Variants in ARHGAP40 observed in about 807,000 individuals in gnomAD.
ARHGAP40 encodes the protein Rho GTPase activating protein 40, also known as rho GTPase-activating protein 40.
In ARHGAP40, 43 loss-of-function variants were observed where a neutral mutation model predicts 73.5. The ratio of observed to expected loss-of-function variants is 0.58; its 90% CI spans 0.46 to 0.75. ARHGAP40 has a LOEUF of 0.75. Among genes scored for constraint, ARHGAP40 ranks in the 30% least tolerant of loss-of-function variants. The probability of loss-of-function intolerance (pLI) is 0.00; values close to 1 mark genes in which losing one functional copy is unlikely to be tolerated. For synonymous variants in ARHGAP40, 300 were observed against 352.8 expected (o/e 0.85, Z 1.68); for missense variants, 734 against 861.8 (o/e 0.85, Z 1.86).
intron 1 of ARHGAP40, among the ~76,000 whole-genome samples, chr20:38,603,423 A>G (rs914617802): frequency 8.3e-6 from 1 of 120,354 alleles, no homozygotes; most frequent in Admixed American, 9.4e-5. Context: ...CTATCTATCT[A>G]TCTATCTATC....
intron 1 of ARHGAP40, among the ~76,000 whole-genome samples, chr20:38,618,792 T>G (rs1229415253): frequency 1.3e-5 from 2 of 152,094 alleles, no homozygotes; most frequent in Non-Finnish European, 2.9e-5. Flanking sequence ...CCAGGTGGGA[T>G]CAGCTTGGTC....
chr20:38,650,014 G>T, exon 15 of ARHGAP40: 2 of 420,102 alleles, frequency 4.8e-6, no homozygotes, highest in Non-Finnish European at 4.3e-6. Flanking sequence ...ATAGACTCAG[G>T]GGTGGTGCTC....
chr20:38,636,626 CATTTCCCT>C (rs1282728523), intron 6 of ARHGAP40, among the ~76,000 whole-genome samples: 1 of 152,112 alleles, frequency 6.6e-6, no homozygotes, highest in African/African-American at 2.4e-5. Context: ...TATATTTAAC[CATTTCCCT>C]ATTAGTGGAC....
intron 3 of ARHGAP40, among the ~76,000 whole-genome samples, chr20:38,627,656 G>A (rs2088910742): frequency 1.4e-5 from 2 of 142,086 alleles, no homozygotes; most frequent in Admixed American, 7.0e-5. Context: ...GTGTGTTGGT[G>A]TGTGTGGGGG....
intron 1 of ARHGAP40, among the ~76,000 whole-genome samples, chr20:38,605,859 T>C (rs1601130876): frequency 6.6e-6 from 1 of 152,304 alleles, no homozygotes; most frequent in African/African-American, 2.4e-5. Flanking sequence ...TAATATCTTT[T>C]CCTGGAAAGA....
intron 1 of ARHGAP40, among the ~76,000 whole-genome samples, chr20:38,611,796 G>C (rs576753717): frequency 1.5e-3 from 229 of 151,906 alleles, no homozygotes; most frequent in South Asian, 5.8e-3. Flanking sequence ...GGATGATCTC[G>C]ATCTCCTGAC....
chr20:38,623,365 C>T (rs773167468), exon 2 of ARHGAP40: 4 of 1,288,496 alleles, frequency 3.1e-6, no homozygotes, highest in East Asian at 5.5e-5. Context: ...ACAGCTCTGG[C>T]CCCTCCTCAG....
In ARHGAP40 at chr20:38,611,568, C is replaced by T. The variant is rs745333653; in HGVS notation, c.137+9489C>T. On this transcript the variant is annotated intron_variant, in intron 1 of 14. Coordinates refer to ENST00000373345, the Ensembl canonical transcript of ARHGAP40. ...GAACGGCTGGGACTCCAGTTATGCA[C>T]AACCACACTTGGCTAATTTTTTTTT... 2.0e-5 allele frequency among the ~76,000 whole-genome samples: 3 copies of T among 151,914 alleles called. No individual in the cohort carries two copies. In the South Asian group the frequency reaches 6.2e-4, roughly 32 times the overall value.
At chr20:38,608,421 T>G (rs1158954782) in intron 1 of ARHGAP40, among the ~76,000 whole-genome samples, 5 of 152,282 alleles carry the variant, frequency 3.3e-5, no homozygotes, top group African/African-American at 1.2e-4. Flanking sequence ...TTGCCCCATC[T>G]TAAGAGGACT....
intron 1 of ARHGAP40, among the ~76,000 whole-genome samples, chr20:38,608,443 G>A (rs2088785313): frequency 6.6e-6 from 1 of 152,104 alleles, no homozygotes; most frequent in African/African-American, 2.4e-5. Flanking sequence ...TTGGCTGCTG[G>A]CTGCTCGTTG....
At chr20:38,650,642 A>C (rs1429033658) in exon 15 of ARHGAP40, 2 of 471,256 alleles carry the variant, frequency 4.2e-6, no homozygotes, top group Non-Finnish European at 8.8e-6. Context: ...AGGCACAACA[A>C]GTTCAATGTC....
Position 38,643,790 on chromosome 20 carries a change from T to TA in ARHGAP40, c.1451dup (p.Asn484LysfsTer56), listed in dbSNP as rs1344128943. 9 of 1,305,786 alleles carry TA rather than the reference T, an allele frequency of 6.9e-6. No homozygotes were observed. Among genetic ancestry groups the TA allele is most frequent in the Non-Finnish European group, 9.1e-6 (9 of 989,016 alleles). The allele number at this position is 1,305,786 out of a possible 1,614,324, so 80.9% of individuals were successfully genotyped here. ...GGAATGTTTCCACCGTGATGGCCCC[T>TA]AACCTCTTTCTGCACCAAGGGCGGC... On this transcript the variant is annotated frameshift_variant, in exon 11 of 15. Transcript: ENST00000373345. LOFTEE classifies it high-confidence loss of function.
At chr20:38,633,525 A>G (rs1019759538) in intron 5 of ARHGAP40, among the ~76,000 whole-genome samples, 2 of 152,242 alleles carry the variant, frequency 1.3e-5, no homozygotes, top group Non-Finnish European at 2.9e-5. Flanking sequence ...TATCACTTCC[A>G]CTTTGCAGAT....
At chr20:38,643,777 C>T in exon 11 of ARHGAP40, 2 of 1,305,860 alleles carry the variant, frequency 1.5e-6, no homozygotes, top group Non-Finnish European at 2.0e-6. Flanking sequence ...AATGTTTCCA[C>T]CGTGATGGCC....
chr20:38,601,988 G>A, exon 1 of ARHGAP40: 1 of 1,287,738 alleles, frequency 7.8e-7, no homozygotes, highest in African/African-American at 1.5e-5. Flanking sequence ...GGAGAGGCTG[G>A]CCCCAGGGCC....
intron 6 of ARHGAP40, among the ~76,000 whole-genome samples, chr20:38,636,787 G>T (rs73905654): frequency 0.012 from 1,755 of 152,290 alleles, 28 homozygotes; most frequent in African/African-American, 0.039. Context: ...GTGTATGAAA[G>T]TGTTCATTTC....
intron 6 of ARHGAP40, among the ~76,000 whole-genome samples, chr20:38,635,648 GAC>G (rs1241007272): frequency 2.0e-5 from 3 of 152,062 alleles, no homozygotes; most frequent in Non-Finnish European, 4.4e-5. Flanking sequence ...GGGTGACAGA[GAC>G]AGACTCTGTC....
At chr20:38,641,696 A>T (rs768590813) in intron 9 of ARHGAP40, 30 bp from the exon 10 acceptor site, 1 of 1,289,236 alleles carries the variant, frequency 7.8e-7, no homozygotes, top group Admixed American at 2.5e-5. Context: ...TGAGCCTCCC[A>T]TGGAGACTGA....
chr20:38,649,565 G>A (rs2089075536), intron 14 of ARHGAP40, among the ~76,000 whole-genome samples, 192 bp from the exon 15 acceptor site: 1 of 152,184 alleles, frequency 6.6e-6, no homozygotes, highest in Non-Finnish European at 1.5e-5. Context: ...GGGGAAAGGG[G>A]GTGTCACTTT....
Sources: allele counts gnomAD v4.1 joint callset (sites outside exome capture counted in the v4.1 genomes callset), GRCh38; gene constraint gnomAD v4.1.1; transcripts MANE v1.5; gene names NCBI Gene and HGNC (gene_info 2026-07-23, HGNC 2026-07-21).